The following CLPB variants were observed in gnomAD, a reference collection of about 807,000 sequenced individuals.
CLPB encodes the protein ClpB family mitochondrial disaggregase, also known as mitochondrial disaggregase.
A neutral mutation model predicts 78.4 loss-of-function variants in CLPB; 40 were observed. The ratio of observed to expected loss-of-function variants is 0.51; its 90% CI spans 0.40 to 0.66. The LOEUF is 0.66. Ranked by LOEUF, CLPB falls within the 30% of genes least tolerant of loss-of-function variation. CLPB has a pLI of 0.00. For synonymous variants in CLPB, 333 were observed against 348.0 expected (o/e 0.96, Z 0.48); for missense variants, 780 against 886.9 (o/e 0.88, Z 1.53).
chr11:72,378,697 TGAGTCC>T (rs1403371718), intron 4 of CLPB, among the ~76,000 whole-genome samples: 1 of 152,186 alleles, frequency 6.6e-6, no homozygotes, highest in Non-Finnish European at 1.5e-5. Flanking sequence ...GCCCATAAGC[TGAGTCC>T]CCACATATCA....
At chr11:72,344,255 C>T (rs1357951055) in intron 5 of CLPB, among the ~76,000 whole-genome samples, 4 of 152,160 alleles carry the variant, frequency 2.6e-5, no homozygotes, top group African/African-American at 9.7e-5. Flanking sequence ...GTCACCCAGG[C>T]TGGAGTGCAG....
At chr11:72,425,629 A>G (rs1278869468) in intron 2 of CLPB, among the ~76,000 whole-genome samples, 1 of 152,180 alleles carries the variant, frequency 6.6e-6, no homozygotes, top group Non-Finnish European at 1.5e-5. Context: ...CGACTGAGGG[A>G]CAAACGGAGA....
In CLPB at chr11:72,289,249, A is replaced by G. The variant is rs890144504; in HGVS notation, c.*4118T>C. 1 of 152,128 alleles carries G rather than the reference A, an allele frequency of 6.6e-6. No homozygotes were observed. Among genetic ancestry groups the G allele is most frequent in the African/African-American group, 2.4e-5 (1 of 41,424 alleles). The allele number at this position is 152,128 out of a possible 1,614,324, so 9.4% of individuals were successfully genotyped here. A position where few individuals can be genotyped will look rare whatever the true frequency, so the allele number is the denominator to read the frequency against. On this transcript the variant is annotated 3_prime_UTR_variant, in exon 16 of 16. Coordinates refer to ENST00000538039, the MANE Select transcript of CLPB (RefSeq NM_001258392.3). ...GGTTCTACCCCTGTCTCCTTATCCT[A>G]TTCTCAGGAAGGTGGCCATTGGCTT... is the stretch of plus-strand genomic sequence containing the variant.
At chr11:72,397,665 T>C (rs1471387072) in intron 3 of CLPB, among the ~76,000 whole-genome samples, 3 of 152,252 alleles carry the variant, frequency 2.0e-5, no homozygotes, top group African/African-American at 7.2e-5. Context: ...AAGCATCTGC[T>C]AAAATATTTT....
At chr11:72,410,763 T>C (rs1855852237) in intron 2 of CLPB, 1 of 152,120 alleles carries the variant, frequency 6.6e-6, no homozygotes, top group Admixed American at 6.6e-5. Flanking sequence ...CATATCCTGC[T>C]CCCATCCATC....
chr11:72,390,955 A>C (rs909977783), intron 3 of CLPB, among the ~76,000 whole-genome samples: 5 of 152,244 alleles, frequency 3.3e-5, no homozygotes, highest in South Asian at 2.1e-4. Context: ...TGGTAGTCAC[A>C]CACTATGAAA....
At chr11:72,319,881 G>A (rs1258213759) in intron 6 of CLPB, among the ~76,000 whole-genome samples, 1 of 152,080 alleles carries the variant, frequency 6.6e-6, no homozygotes, top group Non-Finnish European at 1.5e-5. Context: ...GTGCCTTTTT[G>A]TTTTTGGTAC....
chr11:72,373,345 G>A (rs543857313), intron 4 of CLPB, among the ~76,000 whole-genome samples: 2 of 152,294 alleles, frequency 1.3e-5, no homozygotes, highest in East Asian at 1.9e-4. Context: ...AGCAGCCAGC[G>A]GCAACCCCGG....
chr11:72,431,598 T>TA lies in CLPB; in HGVS notation c.404-1236dup, dbSNP rs1403598361. 7.2e-5 allele frequency among the ~76,000 whole-genome samples: 11 copies of TA among 152,238 alleles called. No homozygotes were observed. In the East Asian group the frequency reaches 2.1e-3, roughly 29 times the overall value. The stretch of plus-strand genomic sequence containing the variant: ...ATTCCAGGGACAGGTCCTTTCTACT[T>TA]ACCTTACCGGATGTACCTAAAGCAC... On this transcript the variant is annotated intron_variant, in intron 1 of 15. Coordinates refer to ENST00000538039, the MANE Select transcript of CLPB (RefSeq NM_001258392.3).
chr11:72,313,055 A>C (rs1288333367), intron 7 of CLPB, among the ~76,000 whole-genome samples: 1 of 152,080 alleles, frequency 6.6e-6, no homozygotes, highest in Non-Finnish European at 1.5e-5. Flanking sequence ...TGTCCAGCTC[A>C]AGGTTCTAGG....
At chr11:72,316,639 G>C (rs141454714) in intron 7 of CLPB, among the ~76,000 whole-genome samples, 201 of 152,278 alleles carry the variant, frequency 1.3e-3, no homozygotes, top group Non-Finnish European at 2.2e-3. Flanking sequence ...TATAAAATTA[G>C]GCCAGCTGCT....
At chr11:72,353,944 C>T (rs143225805) in intron 5 of CLPB, among the ~76,000 whole-genome samples, 4 of 151,954 alleles carry the variant, frequency 2.6e-5, no homozygotes, top group African/African-American at 4.8e-5. Context: ...TTTTTTTAAA[C>T]GAGTGAGCAC....
chr11:72,298,386 T>G (rs890398038), intron 11 of CLPB, among the ~76,000 whole-genome samples: 4 of 152,242 alleles, frequency 2.6e-5, no homozygotes, highest in Non-Finnish European at 4.4e-5. Context: ...TTTAGCTGCC[T>G]GTCTCCGCAC....
At chr11:72,297,496 C>T (rs959194392) in intron 11 of CLPB, among the ~76,000 whole-genome samples, 2 of 152,336 alleles carry the variant, frequency 1.3e-5, no homozygotes, top group East Asian at 1.9e-4. Flanking sequence ...TCTGCTGTCC[C>T]TGCCTTGGGG....
chr11:72,407,747 C>G (rs369029019), intron 2 of CLPB, among the ~76,000 whole-genome samples: 1 of 151,784 alleles, frequency 6.6e-6, no homozygotes, highest in Non-Finnish European at 1.5e-5. Flanking sequence ...CCCGAGTTCA[C>G]GCCATTCTCC....
At chr11:72,427,521 A>G (rs1295415071) in intron 2 of CLPB, among the ~76,000 whole-genome samples, 2 of 152,172 alleles carry the variant, frequency 1.3e-5, no homozygotes, top group African/African-American at 4.8e-5. Context: ...AAAAATTCCT[A>G]TCCTCTTGTG....
At chr11:72,327,872 G>A (rs1459802117) in intron 6 of CLPB, among the ~76,000 whole-genome samples, 1 of 152,152 alleles carries the variant, frequency 6.6e-6, no homozygotes, top group African/African-American at 2.4e-5. Context: ...AGTTCTTTCT[G>A]GTCACAAGGG....
chr11:72,311,898 C>T (rs1949853969), intron 7 of CLPB, among the ~76,000 whole-genome samples: 1 of 152,238 alleles, frequency 6.6e-6, no homozygotes, highest in South Asian at 2.1e-4. Context: ...TCTGCTTTCT[C>T]CTGGCCATGC....
At chr11:72,316,777 G>T (rs539553095) in intron 7 of CLPB, among the ~76,000 whole-genome samples, 1 of 152,296 alleles carries the variant, frequency 6.6e-6, no homozygotes, top group South Asian at 2.1e-4. Context: ...TCTCCCACTT[G>T]AAAAATGGAG....
Sources: allele counts gnomAD v4.1 joint callset (sites outside exome capture counted in the v4.1 genomes callset), GRCh38; gene constraint gnomAD v4.1.1; transcripts MANE v1.5; gene names NCBI Gene and HGNC (gene_info 2026-07-23, HGNC 2026-07-21).